The following RB1 variants were observed in gnomAD, a reference collection of about 807,000 sequenced individuals.
The protein encoded by RB1 is RB transcriptional corepressor 1, also known as retinoblastoma-associated protein.
A neutral mutation model predicts 135.4 loss-of-function variants in RB1; 18 were observed. The ratio of observed to expected loss-of-function variants is 0.13; its 90% CI spans 0.09 to 0.20. RB1 has a LOEUF of 0.20. Among genes scored for constraint, RB1 ranks in the 10% least tolerant of loss-of-function variants. The pLI, the probability that RB1 is intolerant of heterozygous loss-of-function variation, is 1.00. For missense variants in RB1, 868 were observed against 1,110.0 expected (o/e 0.78, Z 3.10); for synonymous variants, 365 against 373.2 (o/e 0.98, Z 0.25).
chr13:48,466,200 G>A (rs1323483784), intron 23 of RB1, among the ~76,000 whole-genome samples: 2 of 96,844 alleles, frequency 2.1e-5, no homozygotes, highest in Admixed American at 1.2e-4. Context: ...CCAGCACGCA[G>A]CTGGAGATCT....
intron 17 of RB1, chr13:48,411,776 T>C (rs1948808736): frequency 6.2e-7 from 1 of 1,611,590 alleles, no homozygotes; most frequent in Non-Finnish European, 8.5e-7. Context: ...TTCTACTTAA[T>C]GTAACAGGTT....
chr13:48,452,362 C>G (rs892705847), intron 17 of RB1, among the ~76,000 whole-genome samples: 3 of 152,038 alleles, frequency 2.0e-5, no homozygotes, highest in Admixed American at 2.0e-4. Flanking sequence ...ATTATTGATT[C>G]AAATTATTTA....
intron 8 of RB1, among the ~76,000 whole-genome samples, chr13:48,364,071 A>G (rs758984789): frequency 4.9e-4 from 75 of 152,236 alleles, no homozygotes; most frequent in Admixed American, 9.2e-4. Context: ...GATATATCAT[A>G]GTTTTTGCAC....
chr13:48,363,378 C>T (rs1232289905), intron 8 of RB1, among the ~76,000 whole-genome samples: 1 of 151,954 alleles, frequency 6.6e-6, no homozygotes, highest in African/African-American at 2.4e-5. Flanking sequence ...TAGCGAGACT[C>T]TGTCTCTACA....
At chr13:48,379,920 A>G (rs1490987695) in intron 14 of RB1, 133 bp from the exon 15 acceptor site, 5 of 811,104 alleles carry the variant, frequency 6.2e-6, no homozygotes, top group Non-Finnish European at 8.9e-6. Flanking sequence ...AGATTGTGCC[A>G]TTTCACCCCA....
chr13:48,451,546 T>C (rs2138325196), intron 17 of RB1, among the ~76,000 whole-genome samples: 1 of 152,322 alleles, frequency 6.6e-6, no homozygotes, highest in Middle Eastern at 3.4e-3. Context: ...GATTTTTGCA[T>C]TGCTGTTCAT....
chr13:48,393,662 C>T (rs927546365), intron 17 of RB1, among the ~76,000 whole-genome samples: 2 of 152,082 alleles, frequency 1.3e-5, no homozygotes, highest in Non-Finnish European at 2.9e-5. Flanking sequence ...GTATCATTTC[C>T]GCTTCCTTGT....
rs754324625 is a variant in RB1, at chr13:48,480,088, G to A, written c.*17G>A. On this transcript the variant is annotated 3_prime_UTR_variant, in exon 27 of 27. Coordinates refer to ENST00000267163, the MANE Select transcript of RB1 (RefSeq NM_000321.3). ...GAGAAATGAGGATCTCAGGACCTTG[G>A]TGGACACTGTGTACACCTCTGGATT... 6.3e-7 allele frequency: 1 copy of A among 1,590,912 alleles called. No homozygotes were observed. Among genetic ancestry groups the A allele is most frequent in the East Asian group, 2.2e-5 (1 of 44,524 alleles).
chr13:48,479,296 T>C (rs1323718957), intron 26 of RB1, among the ~76,000 whole-genome samples: 3 of 152,186 alleles, frequency 2.0e-5, no homozygotes, highest in Non-Finnish European at 4.4e-5. Flanking sequence ...CTGCAAGGCA[T>C]CTGCAAACAT....
At chr13:48,407,795 T>C (rs138486262) in intron 17 of RB1, among the ~76,000 whole-genome samples, 57 of 152,304 alleles carry the variant, frequency 3.7e-4, no homozygotes, top group African/African-American at 1.4e-3. Context: ...GTCTTTAAGA[T>C]TTCATCCCTG....
At chr13:48,318,808 C>T in intron 2 of RB1, 2 of 890,882 alleles carry the variant, frequency 2.2e-6, no homozygotes, top group South Asian at 1.3e-5. Flanking sequence ...CCCTGGGCAG[C>T]CTGCGAGCAG....
At position 48,474,893 on chromosome 13, in the gene RB1, T is replaced by C. The variant is rs4151619; in HGVS notation, c.2520+1503T>C. Reference sequence around the variant, plus strand: ...TCTCCATTCCCCTGAGAGCTTATATTTTTAATTTTTAAATTTTTATTTTTA... The same window carrying C: ...TCTCCATTCCCCTGAGAGCTTATATCTTTAATTTTTAAATTTTTATTTTTA... On this transcript the variant is annotated intron_variant, in intron 24 of 26. Transcript: ENST00000267163. Among the ~76,000 whole-genome samples, 1,285 of 152,190 alleles carry C rather than the reference T, an allele frequency of 8.4e-3. 15 individuals are homozygous for C. The highest frequency in any genetic ancestry group is 0.03 in the African/African-American group (1,241 of 41,534).
chr13:48,453,561 T>C (rs983822052), intron 18 of RB1, among the ~76,000 whole-genome samples: 34 of 151,994 alleles, frequency 2.2e-4, no homozygotes, highest in African/African-American at 8.0e-4. Flanking sequence ...AGTTGATTAG[T>C]GTGTGCTGGT....
chr13:48,465,162 C>T (rs2138345272), intron 22 of RB1, 43 bp from the exon 23 acceptor site: 1 of 1,612,962 alleles, frequency 6.2e-7, no homozygotes, highest in East Asian at 2.2e-5. Context: ...ATGGGTCCAC[C>T]AAAACATTAA....
In RB1 at chr13:48,463,762, A is replaced by C; in HGVS notation, c.2138A>C (p.Lys713Thr). 6.3e-7 allele frequency: 1 copy of C among 1,596,850 alleles called. No homozygotes were observed. The change falls in exon 21 of 27, where the codon AAA (lysine) becomes ACA (threonine). Residue 713 changes from lysine (K) to threonine (T), a missense_variant. This residue lies in a region of RB1 where 31 missense variants were observed against 78.9 expected (regional missense o/e 0.39). Transcript: ENST00000267163. ...IMMCSMYGIC[K>T]VKNIDLKFKI... ...ATGTGTTCCATGTATGGCATATGCA[A>C]AGTGAAGAATATAGACCTTAAATTC...
Position 48,303,939 on chromosome 13 carries a change from G to T in RB1, c.27G>T (p.Thr9=). 6.6e-7 allele frequency: 1 copy of T among 1,509,748 alleles called. No individual in the cohort carries two copies. The highest frequency in any genetic ancestry group is 1.2e-5 in the South Asian group (1 of 81,488). 93.5% of individuals were successfully genotyped at this position (1,509,748 alleles called of 1,614,324 possible). Residue 9 remains threonine, a synonymous_variant, in exon 1 of 27, where the codon ACG becomes ACT. Coordinates refer to ENST00000267163, the MANE Select transcript of RB1 (RefSeq NM_000321.3). The part of the protein sequence containing the change: MPPKTPRK[T]AATAAAAAAE... ...TGCCGCCCAAAACCCCCCGAAAAAC[G>T]GCCGCCACCGCCGCCGCTGCCGCCG...
At chr13:48,379,727 C>T (rs887097002) in intron 14 of RB1, 77 bp downstream of exon 14, 150 of 1,526,654 alleles carry the variant, frequency 9.8e-5, no homozygotes, top group Non-Finnish European at 1.2e-4. Flanking sequence ...TTTGGGAGGC[C>T]GAGGTGGGCA....
chr13:48,370,244 A>T (rs1047173995), intron 11 of RB1, among the ~76,000 whole-genome samples: 1 of 152,210 alleles, frequency 6.6e-6, no homozygotes, highest in African/African-American at 2.4e-5. Flanking sequence ...CACACCACCG[A>T]CAACAATCAA....
chr13:48,327,506 C>T (rs1019754118), intron 2 of RB1, among the ~76,000 whole-genome samples: 4 of 152,106 alleles, frequency 2.6e-5, no homozygotes, highest in Admixed American at 6.5e-5. Flanking sequence ...AAGAGCTAAG[C>T]GTCTGTATCC....
Sources: allele counts gnomAD v4.1 joint callset (sites outside exome capture counted in the v4.1 genomes callset), GRCh38; gene constraint gnomAD v4.1.1; regional missense constraint gnomAD v4.1.1; transcripts MANE v1.5; gene names NCBI Gene and HGNC (gene_info 2026-07-23, HGNC 2026-07-21).